Variants in PITPNC1 observed in about 807,000 individuals in gnomAD.
The protein encoded by PITPNC1 is cytoplasmic phosphatidylinositol transfer protein 1.
PITPNC1 carries 18 observed loss-of-function variants against 44.7 expected under a neutral mutation model. The ratio of observed to expected loss-of-function variants is 0.40; its 90% CI spans 0.28 to 0.60. The LOEUF (loss-of-function observed/expected upper bound fraction) is 0.60. Ranked by LOEUF, PITPNC1 falls within the 20% of genes least tolerant of loss-of-function variation. PITPNC1 has a pLI of 0.39. For synonymous variants in PITPNC1, 141 were observed against 149.6 expected (o/e 0.94, Z 0.42); for missense variants, 290 against 418.4 (o/e 0.69, Z 2.68).
intron 1 of PITPNC1, among the ~76,000 whole-genome samples, chr17:67,430,002 C>T (rs570835416): frequency 6.6e-6 from 1 of 152,192 alleles, no homozygotes; most frequent in Non-Finnish European, 1.5e-5. Flanking sequence ...GTGGAAACAG[C>T]CTTGCTTTGA....
intron 6 of PITPNC1, among the ~76,000 whole-genome samples, chr17:67,655,039 G>A (rs2952461): frequency 0.091 from 13,867 of 152,212 alleles, 867 homozygotes; most frequent in East Asian, 0.24. Flanking sequence ...TAGGGGTGAC[G>A]TGTTAAACCA....
intron 5 of PITPNC1, among the ~76,000 whole-genome samples, chr17:67,631,039 GTGT>G (rs747376432): frequency 0.033 from 4,607 of 141,700 alleles, 122 homozygotes; most frequent in African/African-American, 0.034. Context: ...TATTGCGGCT[GTGT>G]TGTTGTTGTT....
chr17:67,403,018 T>C (rs577593846), intron 1 of PITPNC1, among the ~76,000 whole-genome samples: 1 of 152,260 alleles, frequency 6.6e-6, no homozygotes, highest in Non-Finnish European at 1.5e-5. Context: ...ACCGTTCTTC[T>C]TAGCTTCGTG....
At chr17:67,608,186 GT>G (rs1343097534) in intron 5 of PITPNC1, among the ~76,000 whole-genome samples, 2 of 138,498 alleles carry the variant, frequency 1.4e-5, no homozygotes, top group Non-Finnish European at 3.1e-5. Context: ...ATCGCAAAAT[GT>G]TTTTTCAATA....
chr17:67,472,857 A>C (rs1376004491), intron 1 of PITPNC1, among the ~76,000 whole-genome samples: 1 of 151,730 alleles, frequency 6.6e-6, no homozygotes, highest in Admixed American at 6.6e-5. Flanking sequence ...ACATATGCTA[A>C]AACCAGCACC....
chr17:67,409,331 G>A (rs1427610919), intron 1 of PITPNC1, among the ~76,000 whole-genome samples: 9 of 151,334 alleles, frequency 5.9e-5, no homozygotes, highest in African/African-American at 1.9e-4. Context: ...TGATCCACCC[G>A]CCTCGGCCTC....
intron 7 of PITPNC1, among the ~76,000 whole-genome samples, chr17:67,674,594 AGGGAATGTTAAGTG>A: frequency 6.8e-6 from 1 of 147,792 alleles, no homozygotes; most frequent in East Asian, 2.0e-4. Context: ...ATCAGAAAAG[AGGGAATGTTAAGTG>A]CTGTTCACTT....
At chr17:67,619,697 C>T (rs1289285467) in intron 5 of PITPNC1, among the ~76,000 whole-genome samples, 1 of 152,148 alleles carries the variant, frequency 6.6e-6, no homozygotes, top group Non-Finnish European at 1.5e-5. Flanking sequence ...TCAGGTGCTC[C>T]TCTGAGAGCT....
chr17:67,518,231 G>A (rs1439093355), intron 1 of PITPNC1, among the ~76,000 whole-genome samples: 1 of 152,124 alleles, frequency 6.6e-6, no homozygotes, highest in African/African-American at 2.4e-5. Flanking sequence ...CCACTCCTGG[G>A]TTCCCTAAGG....
intron 8 of PITPNC1, among the ~76,000 whole-genome samples, chr17:67,691,558 G>A (rs2042927405): frequency 1.3e-5 from 2 of 152,142 alleles, no homozygotes; most frequent in Admixed American, 6.6e-5. Context: ...GATTAGCAGG[G>A]TGTGGTGAAA....
intron 1 of PITPNC1, among the ~76,000 whole-genome samples, chr17:67,470,065 G>A (rs1358577590): frequency 6.6e-6 from 1 of 151,976 alleles, no homozygotes; most frequent in African/African-American, 2.4e-5. Flanking sequence ...CAGGATTATA[G>A]GCACACACCA....
chr17:67,551,778 A>G (rs947539137), intron 2 of PITPNC1, among the ~76,000 whole-genome samples: 1 of 152,244 alleles, frequency 6.6e-6, no homozygotes, highest in African/African-American at 2.4e-5. Flanking sequence ...TGCTCTTCCT[A>G]TCTCTAAGTT....
chr17:67,468,195 G>GT (rs928843350), intron 1 of PITPNC1, among the ~76,000 whole-genome samples: 9 of 152,138 alleles, frequency 5.9e-5, no homozygotes, highest in African/African-American at 2.2e-4. Flanking sequence ...GAAGTGTCTA[G>GT]TACAACCACC....
At chr17:67,379,770 A>T (rs1255614068) in intron 1 of PITPNC1, among the ~76,000 whole-genome samples, 3 of 152,216 alleles carry the variant, frequency 2.0e-5, no homozygotes, top group Non-Finnish European at 2.9e-5. Context: ...TCTACTCCAT[A>T]TCCTAATGAC....
intron 1 of PITPNC1, among the ~76,000 whole-genome samples, chr17:67,483,137 C>T (rs953729140): frequency 3.3e-5 from 5 of 152,150 alleles, no homozygotes; most frequent in African/African-American, 1.2e-4. Flanking sequence ...TCTTTAAACC[C>T]CAGGTCCTTT....
intron 1 of PITPNC1, among the ~76,000 whole-genome samples, chr17:67,424,703 C>G (rs2038720029): frequency 6.6e-6 from 1 of 151,644 alleles, no homozygotes; most frequent in South Asian, 2.1e-4. Context: ...GCTGAGGAGA[C>G]AATTCGACAA....
chr17:67,407,324 C>G (rs2038415330), intron 1 of PITPNC1, among the ~76,000 whole-genome samples: 1 of 152,076 alleles, frequency 6.6e-6, no homozygotes, highest in Non-Finnish European at 1.5e-5. Context: ...AATTTCTGTT[C>G]AAATCCTTTG....
At chr17:67,586,510 A>T (rs1598854661) in intron 5 of PITPNC1, among the ~76,000 whole-genome samples, 3 of 151,560 alleles carry the variant, frequency 2.0e-5, no homozygotes, top group Non-Finnish European at 4.4e-5. Context: ...CAGAAGAATC[A>T]CTTGAACCTG....
rs139875680 is a variant in PITPNC1 at position 67,647,716 on chromosome 17, G to C, written c.462+15478G>C. 1.6e-4 allele frequency among the ~76,000 whole-genome samples: 24 copies of C among 151,982 alleles called. No homozygotes were observed. In the East Asian group the frequency reaches 4.6e-3, roughly 29 times the overall value. Reference sequence around the variant, plus strand: ...CCTTTTCTCACTTTAGCATCCACACGATAGTCTTAGAGTTAAATAACTTGC... The same window carrying C: ...CCTTTTCTCACTTTAGCATCCACACCATAGTCTTAGAGTTAAATAACTTGC... On this transcript the variant is annotated intron_variant, in intron 6 of 8. Coordinates refer to ENST00000581322, the MANE Select transcript of PITPNC1 (RefSeq NM_012417.4).
Sources: gnomAD v4.1 joint callset for allele counts (sites outside exome capture counted in the v4.1 genomes callset) on GRCh38, gnomAD v4.1.1 for gene constraint, MANE v1.5 for transcripts, NCBI Gene and HGNC (gene_info 2026-07-23, HGNC 2026-07-21) for gene names.